XIRP2: variants seen among roughly 807,000 people sequenced by gnomAD.
XIRP2 encodes xin actin binding repeat containing 2.
In XIRP2, 236 loss-of-function variants were observed where a neutral mutation model predicts 277.0. The observed-to-expected ratio is 0.85, with a 90% confidence interval of 0.77 to 0.95. XIRP2 has a LOEUF of 0.95. Among genes scored for constraint, XIRP2 ranks in the 40% least tolerant of loss-of-function variants. The probability of loss-of-function intolerance (pLI) is 0.00; values close to 1 mark genes in which losing one functional copy is unlikely to be tolerated. For missense variants in XIRP2, 4,640 were observed against 4,157.5 expected, an observed-to-expected ratio of 1.12 and a Z score of -3.19; for synonymous variants, 1,490 against 1,416.5, an observed-to-expected ratio of 1.05 and a Z score of -1.17.
chr2:167,118,482 GATAAA>G (rs11270871), intron 2 of XIRP2, among the ~76,000 whole-genome samples: 13,981 of 121,922 alleles, frequency 0.11, 779 homozygotes, highest in South Asian at 0.15. Flanking sequence ...ACTCTGTCTC[GATAAA>G]ATAAAATAAA....
chr2:166,893,718 C>T (rs1684168607), intron 1 of XIRP2, among the ~76,000 whole-genome samples: 1 of 152,084 alleles, frequency 6.6e-6, no homozygotes, highest in African/African-American at 2.4e-5. Context: ...AGTGTCAGTG[C>T]CATTGCCAGT....
At chr2:167,005,417 T>A (rs1687480207) in intron 2 of XIRP2, among the ~76,000 whole-genome samples, 1 of 151,944 alleles carries the variant, frequency 6.6e-6, no homozygotes, top group African/African-American at 2.4e-5. Flanking sequence ...AAGTCCAACA[T>A]GTACAGATGA....
Position 167,200,857 on chromosome 2 carries a change from G to A in XIRP2, c.563-9878G>A, listed in dbSNP as rs374129606. On this transcript the variant is annotated intron_variant, in intron 3 of 10. Transcript: ENST00000409195. ...GTACCATATACCTGCCGGGTGTGGT[G>A]GCTCACGCCTGCAACCCCAGCACAT... 2.1e-4 allele frequency among the ~76,000 whole-genome samples: 32 copies of A among 152,144 alleles called. 1 individual carries two copies. The highest frequency in any genetic ancestry group is 7.5e-4 in the African/African-American group (31 of 41,544).
chr2:167,030,928 C>T (rs908333814), intron 2 of XIRP2, among the ~76,000 whole-genome samples: 1 of 151,702 alleles, frequency 6.6e-6, no homozygotes, highest in Non-Finnish European at 1.5e-5. Flanking sequence ...TGCATTGATC[C>T]CTTTACCATT....
At chr2:167,109,706 A>G (rs1004880735) in intron 2 of XIRP2, among the ~76,000 whole-genome samples, 1 of 152,146 alleles carries the variant, frequency 6.6e-6, no homozygotes, top group Non-Finnish European at 1.5e-5. Flanking sequence ...AACAATTTCT[A>G]TTCCTTTGGG....
intron 3 of XIRP2, among the ~76,000 whole-genome samples, chr2:167,143,227 A>G (rs1271579648): frequency 6.6e-6 from 1 of 152,110 alleles, no homozygotes; most frequent in East Asian, 1.9e-4. Flanking sequence ...GCCCCTGAGT[A>G]GCTTATAGTT....
At chr2:166,965,089 T>A (rs1016724458) in intron 2 of XIRP2, among the ~76,000 whole-genome samples, 8 of 151,882 alleles carry the variant, frequency 5.3e-5, no homozygotes, top group African/African-American at 1.9e-4. Flanking sequence ...AGTGCTGCAA[T>A]GCAAAAGTGA....
chr2:166,980,713 C>T (rs1686842300), intron 2 of XIRP2, among the ~76,000 whole-genome samples: 1 of 152,134 alleles, frequency 6.6e-6, no homozygotes, highest in Admixed American at 6.5e-5. Flanking sequence ...CCACCATGCC[C>T]AGTCACTAAT....
chr2:167,214,301 A>G (rs867241544), intron 4 of XIRP2, among the ~76,000 whole-genome samples: 27 of 129,664 alleles, frequency 2.1e-4, no homozygotes, highest in African/African-American at 4.6e-4. Flanking sequence ...GGGAGGGAGG[A>G]AGGAAGGAAG....
chr2:167,069,767 C>T (rs1574223417), intron 2 of XIRP2, among the ~76,000 whole-genome samples: 1 of 152,102 alleles, frequency 6.6e-6, no homozygotes, highest in Non-Finnish European at 1.5e-5. Flanking sequence ...GCCAGCTAAC[C>T]TCTCTAGGTT....
At position 167,246,656 on chromosome 2, in the gene XIRP2, T is replaced by A. The variant is rs1695279203; in HGVS notation, c.5264T>A (p.Leu1755Ter). 8 of 1,613,668 alleles carry A rather than the reference T, an allele frequency of 5.0e-6. No individual in the cohort carries two copies. Among genetic ancestry groups the A allele is most frequent in the Non-Finnish European group, 6.8e-6 (8 of 1,179,824 alleles). The stretch of plus-strand genomic sequence containing the variant: ...ACAACCTGCATAGAAGCTGGAGCTT[T>A]GGATTATCTGAAACAACTCCACACA... ...FFTTCIEAGA[L>*]DYLKQLHTES... The change falls in exon 9 of 11, where the codon TTG becomes TAG. Residue 1755 changes from leucine (L) to a stop codon, truncating the protein, a stop_gained. Coordinates refer to ENST00000409195, the MANE Select transcript of XIRP2 (RefSeq NM_152381.6). LOFTEE classifies it high-confidence loss of function.
At chr2:167,110,189 T>C (rs1690716743) in intron 2 of XIRP2, among the ~76,000 whole-genome samples, 1 of 152,210 alleles carries the variant, frequency 6.6e-6, no homozygotes, top group Non-Finnish European at 1.5e-5. Flanking sequence ...TAGATCCTAT[T>C]TGTTAATTTT....
chr2:166,898,322 A>T (rs1379758571), intron 1 of XIRP2, among the ~76,000 whole-genome samples: 1 of 152,128 alleles, frequency 6.6e-6, no homozygotes, highest in Non-Finnish European at 1.5e-5. Flanking sequence ...AAAAACTCAC[A>T]CAGGTATGTT....
chr2:167,201,143 AGGGAGGGAGG>A, intron 3 of XIRP2, among the ~76,000 whole-genome samples: 1 of 149,222 alleles, frequency 6.7e-6, no homozygotes, highest in Non-Finnish European at 1.5e-5. Flanking sequence ...AGAGAGAGAG[AGGGAGGGAGG>A]GAAAGAGAGA....
chr2:167,210,962 A>AT, intron 4 of XIRP2, 67 bp downstream of exon 4: 8 of 1,575,650 alleles, frequency 5.1e-6, no homozygotes, highest in Non-Finnish European at 6.9e-6. Flanking sequence ...CCCTCTTTAT[A>AT]TTTGAAATGT....
At chr2:167,228,870 T>C (rs1256076038) in intron 5 of XIRP2, among the ~76,000 whole-genome samples, 1 of 152,210 alleles carries the variant, frequency 6.6e-6, no homozygotes, top group Non-Finnish European at 1.5e-5. Context: ...CTTCTGTCTC[T>C]ATAAACCTAT....
intron 2 of XIRP2, among the ~76,000 whole-genome samples, chr2:167,079,071 G>A (rs535065470): frequency 1.9e-4 from 29 of 152,250 alleles, no homozygotes; most frequent in Non-Finnish European, 7.4e-5. Context: ...ATCATGAAAG[G>A]ATGTTGGATT....
chr2:167,241,824 T>A lies in XIRP2; in HGVS notation c.1090T>A (p.Leu364Met), dbSNP rs748216104. Reference protein sequence around the residue: ...DEEIPKVSTKLLKEQFEKSAQ... With the variant: ...DEEIPKVSTKMLKEQFEKSAQ... ...AGAGATTCCAAAGGTTTCGACTAAG[T>A]TGTTAAAAGAGCAGTTTGAAAAGTC... Residue 364 changes from leucine to methionine, a missense_variant, in exon 8 of 11, where the codon TTG becomes ATG. Leu to Met is a conservative substitution (Grantham distance 15). Coordinates refer to ENST00000409195, the MANE Select transcript of XIRP2 (RefSeq NM_152381.6). 4.3e-6 allele frequency: 7 copies of A among 1,613,688 alleles called. No individual in the cohort carries two copies. The highest frequency in any genetic ancestry group is 5.9e-6 in the Non-Finnish European group (7 of 1,179,772).
intron 3 of XIRP2, among the ~76,000 whole-genome samples, chr2:167,139,071 AAT>A (rs3061380): frequency 2.7e-5 from 4 of 150,532 alleles, no homozygotes; most frequent in African/African-American, 7.3e-5. Context: ...TGTCTCAAAA[AAT>A]ATATATATAT....
Sources: allele counts gnomAD v4.1 joint callset (sites outside exome capture counted in the v4.1 genomes callset), GRCh38; gene constraint gnomAD v4.1.1; transcripts MANE v1.5; gene names NCBI Gene and HGNC (gene_info 2026-07-23, HGNC 2026-07-21).